Variants in TCF7L1 observed in about 807,000 individuals in gnomAD.
TCF7L1 encodes the protein transcription factor 7-like 1.
In TCF7L1, 18 loss-of-function variants were observed where a neutral mutation model predicts 63.7. The observed-to-expected ratio is 0.28, with a 90% CI of 0.20 to 0.42. TCF7L1 has a LOEUF of 0.42. Ranked by LOEUF, TCF7L1 falls within the 10% of genes least tolerant of loss-of-function variation. TCF7L1 has a pLI of 1.00. For missense variants in TCF7L1, 654 were observed against 779.3 expected, an observed-to-expected ratio of 0.84 and a Z score of 1.91; for synonymous variants, 355 against 340.9, an observed-to-expected ratio of 1.04 and a Z score of -0.46.
chr2:85,228,115 T>C (rs1679998609), intron 3 of TCF7L1, among the ~76,000 whole-genome samples: 1 of 151,964 alleles, frequency 6.6e-6, no homozygotes, highest in South Asian at 2.1e-4. Flanking sequence ...TCTTAGGGAC[T>C]AAGGTATTAT....
chr2:85,242,394 G>A (rs1346028661), intron 3 of TCF7L1, among the ~76,000 whole-genome samples: 1 of 152,200 alleles, frequency 6.6e-6, no homozygotes, highest in Non-Finnish European at 1.5e-5. Context: ...TTTCTGGGAT[G>A]GCTCAAATAA....
chr2:85,218,639 T>TGGGG (rs143835096), intron 3 of TCF7L1, among the ~76,000 whole-genome samples: 14 of 149,968 alleles, frequency 9.3e-5, no homozygotes, highest in African/African-American at 3.4e-4. Context: ...TTTATTCCAA[T>TGGGG]GGGGGGGGGA....
chr2:85,215,788 G>T (rs908226322), intron 3 of TCF7L1, among the ~76,000 whole-genome samples: 2 of 150,510 alleles, frequency 1.3e-5, no homozygotes, highest in Non-Finnish European at 3.0e-5. Context: ...GAGGGGGGTG[G>T]TGAGGTTTGT....
chr2:85,134,480 G>A lies in TCF7L1; in HGVS notation c.441+30G>A. 1 of 1,545,510 alleles carries A rather than the reference G, an allele frequency of 6.5e-7. No individual in the cohort carries two copies. Among genetic ancestry groups the A allele is most frequent in the Non-Finnish European group, 8.7e-7 (1 of 1,144,478 alleles). On this transcript the variant is annotated intron_variant, in intron 3 of 11. Transcript: ENST00000282111. This position sits in a 1 kb window ranked among gnomAD's most constrained non-coding sequence, Gnocchi z 5.0. ...GTGCCCGTCGGGCGCGCCGGGGAGG[G>A]TGGGAGGCCGCGGCCCGCAGGATGC... is the stretch of plus-strand genomic sequence containing the variant.
At chr2:85,151,467 C>T (rs766886678) in intron 3 of TCF7L1, among the ~76,000 whole-genome samples, 2 of 151,962 alleles carry the variant, frequency 1.3e-5, no homozygotes, top group African/African-American at 2.4e-5. Flanking sequence ...TGTTGTTTTC[C>T]ATCAGAGATA....
chr2:85,254,836 T>G (rs1276851245), intron 3 of TCF7L1, among the ~76,000 whole-genome samples: 5 of 152,232 alleles, frequency 3.3e-5, no homozygotes, highest in African/African-American at 7.2e-5. Flanking sequence ...GGCACAGGTA[T>G]GTGGGGAAAA....
chr2:85,150,170 T>C (rs372066750), intron 3 of TCF7L1, among the ~76,000 whole-genome samples: 4 of 152,324 alleles, frequency 2.6e-5, no homozygotes, highest in East Asian at 3.9e-4. Context: ...TCACATCTTA[T>C]GCTTAATTGT....
At chr2:85,211,725 G>A (rs1002942292) in intron 3 of TCF7L1, among the ~76,000 whole-genome samples, 3 of 152,130 alleles carry the variant, frequency 2.0e-5, no homozygotes, top group Non-Finnish European at 2.9e-5. Context: ...ATGCCCGTGG[G>A]CCCACATCCC....
intron 3 of TCF7L1, among the ~76,000 whole-genome samples, chr2:85,150,453 C>T (rs2568221): frequency 0.55 from 83,050 of 151,968 alleles, 23,120 homozygotes; most frequent in East Asian, 0.86. Context: ...AGGATGGTCT[C>T]GATCTCCTGA....
chr2:85,139,080 C>G (rs1173522383), intron 3 of TCF7L1, among the ~76,000 whole-genome samples: 2 of 151,980 alleles, frequency 1.3e-5, no homozygotes, highest in East Asian at 3.9e-4. Context: ...GTGATCTTGG[C>G]TCACTGCAAC....
At chr2:85,168,155 A>G (rs1432374441) in intron 3 of TCF7L1, among the ~76,000 whole-genome samples, 2 of 151,378 alleles carry the variant, frequency 1.3e-5, no homozygotes, top group Admixed American at 1.3e-4. Context: ...TTACAACTTT[A>G]TTAAGAGGGT....
chr2:85,175,650 T>G (rs1678663365), intron 3 of TCF7L1, among the ~76,000 whole-genome samples: 1 of 152,220 alleles, frequency 6.6e-6, no homozygotes, highest in Non-Finnish European at 1.5e-5. Context: ...CAGTTGAATT[T>G]TTTCACTGTC....
At chr2:85,307,594 A>G in intron 10 of TCF7L1, 48 bp from the exon 11 acceptor site, 1 of 1,543,976 alleles carries the variant, frequency 6.5e-7, no homozygotes, top group South Asian at 1.1e-5. Flanking sequence ...CTGAGAAGCC[A>G]GCATTCTTCT....
At chr2:85,185,535 TCA>T (rs1397417036) in intron 3 of TCF7L1, among the ~76,000 whole-genome samples, 2 of 152,116 alleles carry the variant, frequency 1.3e-5, no homozygotes, top group African/African-American at 2.4e-5. Context: ...GCCGATAGTC[TCA>T]CACTGAACCA....
intron 3 of TCF7L1, among the ~76,000 whole-genome samples, chr2:85,271,158 G>A (rs1192944489): frequency 6.6e-6 from 1 of 152,066 alleles, no homozygotes; most frequent in Non-Finnish European, 1.5e-5. Flanking sequence ...TGTCACCCAG[G>A]CTGGAGTTCA....
Position 85,309,552 on chromosome 2 carries a change from T to TA in TCF7L1, c.*90_*91insA. 5.1e-6 allele frequency: 7 copies of TA among 1,371,644 alleles called. No individual in the cohort carries two copies. The highest frequency in any genetic ancestry group is 6.9e-6 in the Non-Finnish European group (7 of 1,018,046). 85.0% of individuals were successfully genotyped at this position (1,371,644 alleles called of 1,614,324 possible). A position where few individuals can be genotyped will look rare whatever the true frequency, so the allele number is the denominator to read the frequency against. ...AAAAAGGAGACTTTATTGGTCAATA[T>TA]TTGACCACTCTGGACTGTTCTGTAA... On this transcript the variant is annotated 3_prime_UTR_variant, in exon 12 of 12. Coordinates refer to ENST00000282111, the MANE Select transcript of TCF7L1 (RefSeq NM_031283.3).
intron 4 of TCF7L1, among the ~76,000 whole-genome samples, chr2:85,297,246 A>G (rs6737773): frequency 0.034 from 5,129 of 152,316 alleles, 113 homozygotes; most frequent in South Asian, 0.091. Context: ...AGGACCTGAA[A>G]GCACATTCCA....
Position 85,219,385 on chromosome 2 carries a change from TCTA to T in TCF7L1, c.442-64105_442-64103del, listed in dbSNP as rs370120111. Among the ~76,000 whole-genome samples, 460 of 152,270 alleles carry T rather than the reference TCTA, an allele frequency of 3.0e-3. 2 individuals are homozygous for T. Among genetic ancestry groups the T allele is most frequent in the African/African-American group, 0.011 (444 of 41,542 alleles). ...TGCACATATCTTATGACCCAGCAAA[TCTA>T]CTACACATGAGCACAAGGGACATGA... On this transcript the variant is annotated intron_variant, in intron 3 of 11. Transcript: ENST00000282111.
At chr2:85,273,158 T>C (rs1336754766) in intron 3 of TCF7L1, among the ~76,000 whole-genome samples, 1 of 152,082 alleles carries the variant, frequency 6.6e-6, no homozygotes. Context: ...TCCTCCCACC[T>C]CCTCCTCACT....
Sources: gnomAD v4.1 joint callset for allele counts (sites outside exome capture counted in the v4.1 genomes callset) on GRCh38, gnomAD v4.1.1 for gene constraint, Gnocchi (gnomAD v3.1) non-coding constraint, MANE v1.5 for transcripts, NCBI Gene and HGNC (gene_info 2026-07-23, HGNC 2026-07-21) for gene names.